The following PEBP4 variants were observed in gnomAD, a reference collection of about 807,000 sequenced individuals.
PEBP4 encodes phosphatidylethanolamine binding protein 4, also known as phosphatidylethanolamine-binding protein 4.
In PEBP4, 22 loss-of-function variants were observed where a neutral mutation model predicts 23.9. The ratio of observed to expected loss-of-function variants is 0.92; its 90% CI spans 0.66 to 1.31. The LOEUF is 1.31. PEBP4 is among the 40% of genes most tolerant of loss of function. PEBP4 has a pLI of 0.00. For synonymous variants in PEBP4, 112 were observed against 99.3 expected (o/e 1.13, Z -0.76); for missense variants, 324 against 281.7 (o/e 1.15, Z -1.07).
rs533538868 is a variant in PEBP4, at chr8:22,887,784, TA to T, written c.258+32399del. On this transcript the variant is annotated intron_variant, in intron 3 of 6. Transcript: ENST00000256404. Reference sequence around the variant, plus strand: ...AGAACGTATTTACCGAATGAAGTTTTATGATGTTCTCTAGCACTTTTTAGTT... The same window carrying T: ...AGAACGTATTTACCGAATGAAGTTTTTGATGTTCTCTAGCACTTTTTAGTT... 2.6e-5 allele frequency: 4 copies of T among 152,130 alleles called. No individual in the cohort carries two copies. The South Asian group carries it at 8.3e-4, about 32-fold the overall frequency. The allele number at this position is 152,130 out of a possible 1,614,324, so 9.4% of individuals were successfully genotyped here.
chr8:22,797,253 CAAAAAAA>C, intron 4 of PEBP4, among the ~76,000 whole-genome samples: 1 of 114,386 alleles, frequency 8.7e-6, no homozygotes, highest in South Asian at 2.8e-4. Flanking sequence ...AACTCTGTCT[CAAAAAAA>C]AAAAAAAAAA....
chr8:22,906,663 T>G (rs1808821807), intron 3 of PEBP4, among the ~76,000 whole-genome samples: 1 of 152,250 alleles, frequency 6.6e-6, no homozygotes, highest in African/African-American at 2.4e-5. Context: ...ATCTACCAAA[T>G]TCTTCTGGAG....
Position 22,764,611 on chromosome 8 carries a change from G to A in PEBP4, c.358-37391C>T, listed in dbSNP as rs75756151. On this transcript the variant is annotated intron_variant, in intron 4 of 6. Transcript: ENST00000256404. ...TCCTAGTAATTTCATCTTGGAATGT[G>A]TGTTTGGTAAGTGAAGTATCATGGG... Among the ~76,000 whole-genome samples the A allele has an allele frequency of 1.8e-3, 277 of 152,180 alleles. 2 individuals are homozygous for A. Among genetic ancestry groups the A allele is most frequent in the Non-Finnish European group, 3.1e-3 (211 of 68,024 alleles).
rs151136816 is a variant in PEBP4, at chr8:22,917,617, C to G, written c.258+2567G>C. On this transcript the variant is annotated intron_variant, in intron 3 of 6. Transcript: ENST00000256404. ...GCTCTGTACTTGGCCAGATTACTCA[C>G]TTCCATAGGACCTGCCTTGCATTTC... is the stretch of plus-strand genomic sequence containing the variant. 1.1e-3 allele frequency among the ~76,000 whole-genome samples: 158 copies of G among 148,454 alleles called. 1 individual carries two copies. The East Asian group carries it at 0.025, about 24-fold the overall frequency.
chr8:22,793,303 G>T (rs1475046727), intron 4 of PEBP4, among the ~76,000 whole-genome samples: 1 of 151,972 alleles, frequency 6.6e-6, no homozygotes, highest in Admixed American at 6.6e-5. Flanking sequence ...GTTTCACTCC[G>T]TCACCTAGGC....
At chr8:22,743,917 G>T (rs76478979) in intron 4 of PEBP4, among the ~76,000 whole-genome samples, 3,397 of 152,260 alleles carry the variant, frequency 0.022, 133 homozygotes, top group African/African-American at 0.077. Flanking sequence ...TTGCTTGTGA[G>T]GTCTCCCTGC....
chr8:22,860,033 C>T (rs142881579), intron 3 of PEBP4, among the ~76,000 whole-genome samples: 1 of 149,496 alleles, frequency 6.7e-6, no homozygotes, highest in Non-Finnish European at 1.5e-5. Flanking sequence ...GAGAGGACCT[C>T]TTGAGCCCAG....
intron 3 of PEBP4, 60 bp downstream of exon 3, chr8:22,920,124 C>A: frequency 1.9e-6 from 3 of 1,578,124 alleles, no homozygotes; most frequent in East Asian, 2.3e-5. Context: ...ATGAGCAAGC[C>A]TGGAGGAACA....
intron 3 of PEBP4, among the ~76,000 whole-genome samples, chr8:22,908,540 C>T (rs562340955): frequency 4.6e-5 from 7 of 152,246 alleles, no homozygotes; most frequent in African/African-American, 1.7e-4. Flanking sequence ...GAAAAGGAAT[C>T]GCAGAGTGAG....
intron 4 of PEBP4, among the ~76,000 whole-genome samples, chr8:22,771,377 T>C (rs1442906017): frequency 2.0e-5 from 3 of 152,034 alleles, no homozygotes; most frequent in African/African-American, 7.2e-5. Flanking sequence ...TAGTCGCAGC[T>C]ACTTGGGAGG....
At chr8:22,819,954 G>A (rs991592361) in intron 3 of PEBP4, among the ~76,000 whole-genome samples, 3 of 152,128 alleles carry the variant, frequency 2.0e-5, no homozygotes, top group Non-Finnish European at 4.4e-5. Flanking sequence ...CAATGGAAAT[G>A]GTCCAGTATA....
intron 6 of PEBP4, among the ~76,000 whole-genome samples, chr8:22,719,292 T>C (rs1804474088): frequency 6.6e-6 from 1 of 152,176 alleles, no homozygotes; most frequent in South Asian, 2.1e-4. Context: ...GCGCTCGGCC[T>C]TGGAGTGGCT....
chr8:22,824,694 A>G (rs1221256715), intron 3 of PEBP4, among the ~76,000 whole-genome samples: 4 of 152,208 alleles, frequency 2.6e-5, no homozygotes, highest in Non-Finnish European at 5.9e-5. Context: ...ACACATCATC[A>G]GGCATTAGAT....
At chr8:22,729,381 C>A (rs1804685328) in intron 4 of PEBP4, among the ~76,000 whole-genome samples, 1 of 152,236 alleles carries the variant, frequency 6.6e-6, no homozygotes, top group Non-Finnish European at 1.5e-5. Context: ...CAATAGCAAC[C>A]TAAGCTGGCT....
In PEBP4 at chr8:22,775,725, A is replaced by G. The variant is rs1405572872; in HGVS notation, c.357+41912T>C. Among the ~76,000 whole-genome samples, 1 of 152,160 alleles carries G rather than the reference A, an allele frequency of 6.6e-6. No individual in the cohort carries two copies. Among genetic ancestry groups the G allele is most frequent in the Non-Finnish European group, 1.5e-5 (1 of 68,022 alleles). The stretch of plus-strand genomic sequence containing the variant: ...ATCACAGGCACACGGGGCTTCCCTC[A>G]GCCCTCCTGTGCACTCACAGGAGGC... On this transcript the variant is annotated intron_variant, in intron 4 of 6. Transcript: ENST00000256404. The surrounding 1 kb of genome is among the most constrained non-coding windows in gnomAD (Gnocchi z 4.8).
intron 3 of PEBP4, among the ~76,000 whole-genome samples, chr8:22,859,302 G>C (rs926892879): frequency 6.6e-6 from 1 of 152,194 alleles, no homozygotes; most frequent in African/African-American, 2.4e-5. Context: ...GTAATTCGCC[G>C]AGTGTTGAGC....
At chr8:22,817,599 C>T (rs1327726983) in intron 4 of PEBP4, 38 bp downstream of exon 4, 1 of 1,571,962 alleles carries the variant, frequency 6.4e-7, no homozygotes, top group Non-Finnish European at 8.8e-7. Context: ...CCAGATACAA[C>T]CCCAAATGCG....
At chr8:22,891,544 T>C (rs531271824) in intron 3 of PEBP4, among the ~76,000 whole-genome samples, 1 of 152,364 alleles carries the variant, frequency 6.6e-6, no homozygotes, top group Admixed American at 6.5e-5. Flanking sequence ...TTAGGCATAG[T>C]ACTGTCTCTA....
intron 4 of PEBP4, among the ~76,000 whole-genome samples, chr8:22,728,290 C>T (rs1281086266): frequency 3.3e-5 from 5 of 152,080 alleles, no homozygotes; most frequent in Non-Finnish European, 5.9e-5. Flanking sequence ...CAGAACCCAC[C>T]AGATCTCCTA....
Sources: allele counts gnomAD v4.1 joint callset (sites outside exome capture counted in the v4.1 genomes callset), GRCh38; gene constraint gnomAD v4.1.1; non-coding constraint Gnocchi (gnomAD v3.1); transcripts MANE v1.5; gene names NCBI Gene and HGNC (gene_info 2026-07-23, HGNC 2026-07-21).